Variants in SDCCAG8 observed in about 807,000 individuals in gnomAD.
SDCCAG8 encodes SHH signaling and ciliogenesis regulator SDCCAG8.
A neutral mutation model predicts 101.8 loss-of-function variants in SDCCAG8; 74 were observed. The observed-to-expected ratio is 0.73, with a 90% CI of 0.60 to 0.88. The LOEUF is 0.88. Ranked by LOEUF, SDCCAG8 falls within the 40% of genes least tolerant of loss-of-function variation. The probability of loss-of-function intolerance (pLI) is 0.00; values close to 1 mark genes in which losing one functional copy is unlikely to be tolerated. For synonymous variants in SDCCAG8, 281 were observed against 292.9 expected (o/e 0.96, Z 0.41); for missense variants, 787 against 822.6 (o/e 0.96, Z 0.53).
intron 12 of SDCCAG8, among the ~76,000 whole-genome samples, chr1:243,362,997 C>T (rs1276323139): frequency 2.6e-5 from 4 of 152,284 alleles, no homozygotes; most frequent in Non-Finnish European, 5.9e-5. Flanking sequence ...TCAGCTTGTC[C>T]GAGCTCTCTT....
intron 12 of SDCCAG8, among the ~76,000 whole-genome samples, chr1:243,371,369 G>C (rs1009539421): frequency 4.6e-5 from 7 of 152,090 alleles, no homozygotes; most frequent in Non-Finnish European, 1.0e-4. Flanking sequence ...ATAATCTTAT[G>C]TAAGTTACTT....
intron 12 of SDCCAG8, among the ~76,000 whole-genome samples, chr1:243,360,329 T>G (rs2076628943): frequency 6.6e-6 from 1 of 151,798 alleles, no homozygotes; most frequent in Non-Finnish European, 1.5e-5. Context: ...TTTATTTGTA[T>G]TTTTAGTAGA....
At chr1:243,390,643 A>G (rs1160156958) in intron 13 of SDCCAG8, among the ~76,000 whole-genome samples, 1 of 152,170 alleles carries the variant, frequency 6.6e-6, no homozygotes, top group Non-Finnish European at 1.5e-5. Flanking sequence ...GGATGCACTC[A>G]TCTCCCCTGC....
chr1:243,307,594 G>A, intron 7 of SDCCAG8: 2 of 984,710 alleles, frequency 2.0e-6, no homozygotes, highest in Non-Finnish European at 2.4e-6. Context: ...CCTCAAGTAT[G>A]TTGTCTTATA....
intron 13 of SDCCAG8, among the ~76,000 whole-genome samples, chr1:243,403,875 C>A (rs1026843440): frequency 6.6e-6 from 1 of 152,172 alleles, no homozygotes; most frequent in African/African-American, 2.4e-5. Context: ...TAGAAATAAA[C>A]TGCCCAATAA....
chr1:243,484,917 G>A (rs183118707), intron 16 of SDCCAG8, among the ~76,000 whole-genome samples: 147 of 152,100 alleles, frequency 9.7e-4, no homozygotes, highest in South Asian at 1.0e-3. Flanking sequence ...GGTGGTGCGC[G>A]CCTATAGTCC....
In SDCCAG8 at chr1:243,266,558, G is replaced by A. The variant is rs1200061540; in HGVS notation, c.68-3547G>A. Among the ~76,000 whole-genome samples the A allele has an allele frequency of 4.0e-5, 6 of 151,762 alleles. No homozygotes were observed. In the East Asian group the frequency reaches 1.2e-3, roughly 30 times the overall value. On this transcript the variant is annotated intron_variant, in intron 1 of 17. Coordinates refer to ENST00000366541, the MANE Select transcript of SDCCAG8 (RefSeq NM_006642.5). ...TGGTCTTGAACTCTTGACCTCAGGT[G>A]ATCCACCCACCTTAGCCTCCCAAAG...
chr1:243,268,080 T>G, intron 1 of SDCCAG8: 1 of 745,382 alleles, frequency 1.3e-6, no homozygotes, highest in Non-Finnish European at 2.5e-6. Flanking sequence ...AGCGTTTGCT[T>G]CATGGTTGTA....
At chr1:243,306,891 A>G (rs2072189797) in intron 7 of SDCCAG8, among the ~76,000 whole-genome samples, 1 of 151,854 alleles carries the variant, frequency 6.6e-6, no homozygotes, top group African/African-American at 2.4e-5. Flanking sequence ...AAATCTCAAC[A>G]GTTGTCTGAC....
chr1:243,318,920 A>C (rs775503922), intron 9 of SDCCAG8, among the ~76,000 whole-genome samples: 2 of 152,170 alleles, frequency 1.3e-5, no homozygotes, highest in African/African-American at 4.8e-5. Flanking sequence ...TGCTATAAAG[A>C]AAGAGCAGAG....
chr1:243,414,874 T>TGC (rs1553347470), intron 13 of SDCCAG8, among the ~76,000 whole-genome samples: 9 of 149,092 alleles, frequency 6.0e-5, no homozygotes, highest in Non-Finnish European at 1.2e-4. Flanking sequence ...TGTGTGTGTG[T>TGC]GCACATGTAC....
intron 17 of SDCCAG8, among the ~76,000 whole-genome samples, chr1:243,490,127 T>G (rs1666029835): frequency 6.6e-6 from 1 of 152,232 alleles, no homozygotes. Context: ...AAGAGGAGTC[T>G]CATTCTCCTC....
chr1:243,353,395 G>T (rs1433962725), intron 12 of SDCCAG8, among the ~76,000 whole-genome samples: 1 of 146,316 alleles, frequency 6.8e-6, no homozygotes, highest in Non-Finnish European at 1.5e-5. Flanking sequence ...GGAGACTGAG[G>T]CAGGAGAATT....
chr1:243,485,631 C>T (rs534635936), intron 16 of SDCCAG8, among the ~76,000 whole-genome samples: 6 of 152,154 alleles, frequency 3.9e-5, no homozygotes, highest in African/African-American at 4.8e-5. Context: ...CTCAGCCAGG[C>T]GCGGTGGCTC....
At chr1:243,422,149 T>C (rs1263751084) in intron 15 of SDCCAG8, among the ~76,000 whole-genome samples, 1 of 152,190 alleles carries the variant, frequency 6.6e-6, no homozygotes, top group Non-Finnish European at 1.5e-5. Flanking sequence ...CTTCTTTCTT[T>C]TCTGTCATTG....
chr1:243,493,894 G>A (rs970925058), intron 17 of SDCCAG8, among the ~76,000 whole-genome samples: 1 of 151,886 alleles, frequency 6.6e-6, no homozygotes, highest in Non-Finnish European at 1.5e-5. Flanking sequence ...AAGGGAGAAG[G>A]GAGGTTCTAG....
intron 16 of SDCCAG8, among the ~76,000 whole-genome samples, chr1:243,441,744 A>G (rs1376757988): frequency 6.6e-6 from 1 of 152,214 alleles, no homozygotes; most frequent in East Asian, 1.9e-4. Flanking sequence ...AGATTGTTTT[A>G]TACAAGTCAG....
intron 1 of SDCCAG8, among the ~76,000 whole-genome samples, chr1:243,263,834 G>C (rs527842026): frequency 6.6e-6 from 1 of 152,138 alleles, no homozygotes; most frequent in Non-Finnish European, 1.5e-5. Flanking sequence ...TCACAAAGCC[G>C]ACATTGTCTG....
chr1:243,256,097 CAGGCCTGTTGTTCTCG>C lies in SDCCAG8; in HGVS notation c.-76_-61del, dbSNP rs2066627342. Reference sequence around the variant, plus strand: ...GAAGCAGGCGGGCGCTCCCCGGCCACAGGCCTGTTGTTCTCGGAAGGGAGAAAGCTGGACATTTCCC... The same window carrying C: ...GAAGCAGGCGGGCGCTCCCCGGCCACGAAGGGAGAAAGCTGGACATTTCCC... On this transcript the variant is annotated 5_prime_UTR_variant, in exon 1 of 18. Coordinates refer to ENST00000366541, the MANE Select transcript of SDCCAG8 (RefSeq NM_006642.5). 1 of 1,414,748 alleles carries C rather than the reference CAGGCCTGTTGTTCTCG, an allele frequency of 7.1e-7. No homozygotes were observed. Among genetic ancestry groups the C allele is most frequent in the Non-Finnish European group, 1.0e-6 (1 of 998,476 alleles). The allele number at this position is 1,414,748 out of a possible 1,614,324, so 87.6% of individuals were successfully genotyped here.
Sources: allele counts gnomAD v4.1 joint callset (sites outside exome capture counted in the v4.1 genomes callset), GRCh38; gene constraint gnomAD v4.1.1; transcripts MANE v1.5; gene names NCBI Gene and HGNC (gene_info 2026-07-23, HGNC 2026-07-21).